HK1: variants seen among roughly 807,000 people sequenced by gnomAD.
The protein encoded by HK1 is hexokinase 1, also known as hexokinase-1.
A neutral mutation model predicts 91.6 loss-of-function variants in HK1; 28 were observed. The observed-to-expected ratio is 0.31, with a 90% CI of 0.23 to 0.42. The LOEUF (loss-of-function observed/expected upper bound fraction) is 0.42, where lower values mean the gene tolerates loss of function less well. Ranked by LOEUF, HK1 falls within the 10% of genes least tolerant of loss-of-function variation. The pLI is 1.00. For synonymous variants in HK1, 430 were observed against 468.1 expected (o/e 0.92, Z 1.05); for missense variants, 770 against 1,219.8 (o/e 0.63, Z 5.49).
intron 1 of HK1, among the ~76,000 whole-genome samples, chr10:69,323,139 G>A (rs977765758): frequency 2.6e-5 from 4 of 151,570 alleles, no homozygotes; most frequent in Admixed American, 6.6e-5. Context: ...CCAGCTACTC[G>A]GGAGGCTGAG....
chr10:69,297,769 A>C (rs1363851929), intron 4 of HK1, among the ~76,000 whole-genome samples: 5 of 150,680 alleles, frequency 3.3e-5, no homozygotes, highest in Admixed American at 2.6e-4. Flanking sequence ...GGTGGTGTGC[A>C]TCTGTAATCC....
intron 3 of HK1, among the ~76,000 whole-genome samples, chr10:69,290,334 C>T (rs975411984): frequency 1.3e-5 from 2 of 152,174 alleles, no homozygotes; most frequent in African/African-American, 2.4e-5. Context: ...GTTGCTTCCA[C>T]CTCGAGGCAA....
At chr10:69,338,663 A>G in intron 1 of HK1, 5 of 1,280,214 alleles carry the variant, frequency 3.9e-6, no homozygotes, top group Non-Finnish European at 5.1e-6. Context: ...AGAAGGGGAC[A>G]GGATTATGGA....
chr10:69,331,257 A>G (rs10823343), intron 1 of HK1, among the ~76,000 whole-genome samples: 53,427 of 152,104 alleles, frequency 0.35, 11,054 homozygotes, highest in African/African-American at 0.57. Flanking sequence ...TAATTTGTAT[A>G]CATTGTTCTT....
chr10:69,336,944 C>T (rs202141136), intron 1 of HK1, among the ~76,000 whole-genome samples: 4 of 151,716 alleles, frequency 2.6e-5, no homozygotes, highest in African/African-American at 9.7e-5. Flanking sequence ...CGTGCCTGGC[C>T]GGTAGATGTA....
At chr10:69,363,799 C>T (rs942440270) in intron 3 of HK1, among the ~76,000 whole-genome samples, 3 of 152,192 alleles carry the variant, frequency 2.0e-5, no homozygotes, top group Non-Finnish European at 2.9e-5. Flanking sequence ...GTGTTCCAGG[C>T]TCTTTCTAGC....
At chr10:69,320,651 G>A (rs1275550640) in intron 1 of HK1, among the ~76,000 whole-genome samples, 3 of 152,156 alleles carry the variant, frequency 2.0e-5, no homozygotes, top group East Asian at 1.9e-4. Flanking sequence ...CCTCCTGCAC[G>A]TGGTGTCCTT....
chr10:69,398,587 C>G lies in HK1; in HGVS notation c.2376-8C>G. On this transcript the variant is annotated splice_polypyrimidine_tract_variant and splice_region_variant and intron_variant, in intron 16 of 17. Coordinates refer to ENST00000359426, the MANE Select transcript of HK1 (RefSeq NM_000188.3). The stretch of plus-strand genomic sequence containing the variant: ...TTCATCCAGCCCTCTGGCTCTTGTC[C>G]CCCACAGTGACCGATTAGCACTGCT... 4 of 1,610,780 alleles carry G rather than the reference C, an allele frequency of 2.5e-6. No individual in the cohort carries two copies. The highest frequency in any genetic ancestry group is 3.4e-6 in the Non-Finnish European group (4 of 1,178,088).
At chr10:69,295,759 T>G in intron 4 of HK1, 1 of 961,752 alleles carries the variant, frequency 1.0e-6, no homozygotes, top group Non-Finnish European at 1.7e-6. Flanking sequence ...CCCTTTGGGA[T>G]AATGATTTTC....
chr10:69,286,738 G>T (rs1845050384), intron 2 of HK1, among the ~76,000 whole-genome samples: 1 of 151,944 alleles, frequency 6.6e-6, no homozygotes, highest in Admixed American at 6.6e-5. Flanking sequence ...AGTAGAGAGG[G>T]GGTTTCACCT....
Position 69,398,746 on chromosome 10 carries a change from G to C in HK1, c.2527G>C (p.Asp843His). The change falls in exon 17 of 18, where the codon GAT (aspartate) becomes CAT (histidine). Residue 843 changes from aspartate (D) to histidine (H), a missense_variant. Asp to His is a moderately conservative substitution (Grantham distance 81). Transcript: ENST00000359426. ...LCGAGMAAVVDKIRENRGLDR... is the reference protein window; with the variant it reads ...LCGAGMAAVVHKIRENRGLDR... ...TGGCGCAGGCATGGCTGCGGTTGTG[G>C]ATAAGATCCGCGAGAACAGAGGACT... 6.2e-7 allele frequency: 1 copy of C among 1,614,258 alleles called. No homozygotes were observed. The highest frequency in any genetic ancestry group is 8.5e-7 in the Non-Finnish European group (1 of 1,180,034).
At chr10:69,363,912 C>T (rs891706911) in intron 3 of HK1, among the ~76,000 whole-genome samples, 1 of 152,182 alleles carries the variant, frequency 6.6e-6, no homozygotes, top group Non-Finnish European at 1.5e-5. Flanking sequence ...TATATTCATA[C>T]CAAGGAATAC....
At chr10:69,385,265 C>T (rs896959559) in intron 12 of HK1, among the ~76,000 whole-genome samples, 3 of 152,182 alleles carry the variant, frequency 2.0e-5, no homozygotes, top group Non-Finnish European at 2.9e-5. Flanking sequence ...TGGTAGACTC[C>T]GTGAGCAAGG....
intron 5 of HK1, among the ~76,000 whole-genome samples, chr10:69,308,647 G>C (rs112972303): frequency 1.3e-5 from 2 of 152,230 alleles, no homozygotes; most frequent in African/African-American, 2.4e-5. Context: ...GCCTGGTTTC[G>C]GGTCTGGTTC....
chr10:69,383,692 C>T (rs555809627), intron 10 of HK1, among the ~76,000 whole-genome samples: 1 of 152,384 alleles, frequency 6.6e-6, no homozygotes, highest in South Asian at 2.1e-4. Context: ...ACGCCCTTCC[C>T]CACATGTCCA....
chr10:69,305,450 C>T (rs1241146563), intron 5 of HK1, among the ~76,000 whole-genome samples: 1 of 152,122 alleles, frequency 6.6e-6, no homozygotes, highest in Non-Finnish European at 1.5e-5. Flanking sequence ...TCTCCTAGTG[C>T]CTGGCCTAAT....
At chr10:69,316,094 G>A (rs1013711117), upstream of HK1, 2 of 1,143,676 alleles carry the variant, frequency 1.7e-6, no homozygotes, top group African/African-American at 1.5e-5. Context: ...GAGGTGAGTG[G>A]AGAAGGCAGG....
chr10:69,379,459 C>T (rs1406653332), intron 8 of HK1, among the ~76,000 whole-genome samples: 1 of 152,180 alleles, frequency 6.6e-6, no homozygotes, highest in Non-Finnish European at 1.5e-5. Flanking sequence ...CAGAAAATTA[C>T]AATTTCACTG....
chr10:69,316,087 G>T, upstream of HK1: 2 of 1,236,748 alleles, frequency 1.6e-6, no homozygotes, highest in Non-Finnish European at 2.4e-6. Flanking sequence ...TCAGGCAGAG[G>T]TGAGTGGAGA....
Sources: gnomAD v4.1 joint callset for allele counts (sites outside exome capture counted in the v4.1 genomes callset) on GRCh38, gnomAD v4.1.1 for gene constraint, MANE v1.5 for transcripts, NCBI Gene and HGNC (gene_info 2026-07-23, HGNC 2026-07-21) for gene names.